The following CNOT2 variants were observed in gnomAD, a reference collection of about 807,000 sequenced individuals.
CNOT2 encodes the protein CC chemokine receptor 4-negative regulator of transcription 2.
In CNOT2, 7 loss-of-function variants were observed where a neutral mutation model predicts 72.1. The observed-to-expected ratio is 0.10, with a 90% CI of 0.06 to 0.18. The LOEUF (loss-of-function observed/expected upper bound fraction) is 0.18, where lower values mean the gene tolerates loss of function less well. Ranked by LOEUF, CNOT2 falls within the 10% of genes least tolerant of loss-of-function variation. The pLI, the probability that CNOT2 is intolerant of heterozygous loss-of-function variation, is 1.00. For missense variants in CNOT2, 345 were observed against 660.3 expected, an observed-to-expected ratio of 0.52 and a Z score of 5.23; for synonymous variants, 196 against 225.6, an observed-to-expected ratio of 0.87 and a Z score of 1.17.
At position 70,315,793 on chromosome 12, in the gene CNOT2, AATCTTTTTCT is replaced by A. The variant is rs1877230250; in HGVS notation, c.172-3503_172-3494del. Among the ~76,000 whole-genome samples, 3 of 152,262 alleles carry A rather than the reference AATCTTTTTCT, an allele frequency of 2.0e-5. No homozygotes were observed. The South Asian group carries it at 6.2e-4, about 32-fold the overall frequency. ...AACTTGTTGTTTTCAGCATTCTATTAATCTTTTTCTACCGTTTGCCACTCTTAAGAGCACA... is the reference window on the plus strand; with the variant it reads ...AACTTGTTGTTTTCAGCATTCTATTAACCGTTTGCCACTCTTAAGAGCACA... On this transcript the variant is annotated intron_variant, in intron 3 of 15. Transcript: ENST00000229195.
intron 1 of CNOT2, among the ~76,000 whole-genome samples, chr12:70,248,665 G>A (rs1021810094): frequency 6.6e-6 from 1 of 152,080 alleles, no homozygotes; most frequent in Non-Finnish European, 1.5e-5. Flanking sequence ...AAACAGGATA[G>A]ATGACTCTCA....
intron 1 of CNOT2, chr12:70,244,301 G>A (rs1247662165): frequency 6.6e-6 from 1 of 152,104 alleles, no homozygotes; most frequent in Non-Finnish European, 1.5e-5. Flanking sequence ...CTTCCGCAGG[G>A]GCCTCTCCAC....
rs1321715187 is a variant in CNOT2 at position 70,331,118 on chromosome 12, A to C, written c.569+649A>C. The C allele has an allele frequency of 2.0e-5, 3 of 151,692 alleles. No homozygotes were observed. The East Asian group carries it at 5.8e-4, about 29-fold the overall frequency. 9.4% of individuals were successfully genotyped at this position (151,692 alleles called of 1,614,324 possible). ...TCTGAAATATAACACTTTCTTGCAA[A>C]AGTAGTATTTAAGCTTGATTGCCTA... On this transcript the variant is annotated intron_variant, in intron 6 of 15. Coordinates refer to ENST00000229195, the MANE Select transcript of CNOT2 (RefSeq NM_014515.7).
At chr12:70,265,321 T>TTCTCTTCTCTTCTCTTCTCA (rs796521434) in intron 1 of CNOT2, among the ~76,000 whole-genome samples, 1 of 146,688 alleles carries the variant, frequency 6.8e-6, no homozygotes, top group African/African-American at 2.5e-5. Context: ...TTCTCTTCTC[T>TTCTCTTCTCTTCTCTTCTCA]TCTCTTTCTT....
At chr12:70,347,342 A>C (rs1314460672) in intron 15 of CNOT2, among the ~76,000 whole-genome samples, 11 of 152,072 alleles carry the variant, frequency 7.2e-5, no homozygotes, top group Admixed American at 7.2e-4. Flanking sequence ...TTTCATATAA[A>C]ACTCAAAAAG....
At chr12:70,266,647 A>G (rs1252344910) in intron 1 of CNOT2, among the ~76,000 whole-genome samples, 1 of 152,072 alleles carries the variant, frequency 6.6e-6, no homozygotes, top group Non-Finnish European at 1.5e-5. Context: ...CATTTAAGGG[A>G]TATTATGTCT....
intron 1 of CNOT2, among the ~76,000 whole-genome samples, chr12:70,272,533 C>T (rs548136707): frequency 6.6e-6 from 1 of 152,282 alleles, no homozygotes; most frequent in African/African-American, 2.4e-5. Context: ...TTTTCTTACT[C>T]TTTGTTTTCT....
intron 2 of CNOT2, 114 bp from the exon 3 acceptor site, chr12:70,310,781 C>A: frequency 1.3e-6 from 1 of 790,238 alleles, no homozygotes; most frequent in Non-Finnish European, 2.0e-6. Flanking sequence ...ATTAGTTGAT[C>A]AATTTCTGTA....
intron 2 of CNOT2, among the ~76,000 whole-genome samples, chr12:70,279,009 A>C (rs1869360161): frequency 1.3e-5 from 2 of 152,218 alleles, no homozygotes; most frequent in South Asian, 4.1e-4. Flanking sequence ...ATCTGTTATC[A>C]CATTTATTTA....
chr12:70,305,440 G>A (rs1194680694), intron 2 of CNOT2, among the ~76,000 whole-genome samples: 1 of 152,096 alleles, frequency 6.6e-6, no homozygotes, highest in Non-Finnish European at 1.5e-5. Context: ...GTGATATTTG[G>A]GTTCAGACAC....
At chr12:70,328,832 T>TAGCTTTTTTATA (rs1202246155) in intron 4 of CNOT2, among the ~76,000 whole-genome samples, 1 of 151,902 alleles carries the variant, frequency 6.6e-6, no homozygotes, top group African/African-American at 2.4e-5. Context: ...TTTAAAATTT[T>TAGCTTTTTTATA]GTCTTTTATA....
intron 2 of CNOT2, among the ~76,000 whole-genome samples, chr12:70,292,687 G>T (rs1872129342): frequency 1.3e-5 from 2 of 152,304 alleles, no homozygotes; most frequent in East Asian, 1.9e-4. Context: ...TGGTAATGGT[G>T]CAGGAGTCCA....
At chr12:70,261,522 TA>T (rs1490830869) in intron 1 of CNOT2, among the ~76,000 whole-genome samples, 1 of 151,854 alleles carries the variant, frequency 6.6e-6, no homozygotes, top group Admixed American at 6.6e-5. Flanking sequence ...TTCACCATGT[TA>T]GCCAGGATGG....
chr12:70,308,144 G>T (rs1875767407), intron 2 of CNOT2, among the ~76,000 whole-genome samples: 1 of 152,040 alleles, frequency 6.6e-6, no homozygotes, highest in Non-Finnish European at 1.5e-5. Flanking sequence ...TCAAGCATTT[G>T]CCTGGTCAGT....
At chr12:70,322,855 A>G (rs1039310960) in intron 4 of CNOT2, 2 of 151,838 alleles carry the variant, frequency 1.3e-5, no homozygotes, top group African/African-American at 2.4e-5. Flanking sequence ...TTGTAGGACC[A>G]TTGAACAGAT....
chr12:70,263,893 C>T (rs889309613), intron 1 of CNOT2, among the ~76,000 whole-genome samples: 2 of 152,074 alleles, frequency 1.3e-5, no homozygotes, highest in African/African-American at 2.4e-5. Flanking sequence ...TATTTCTTGC[C>T]GTGTGAAGTG....
intron 1 of CNOT2, among the ~76,000 whole-genome samples, chr12:70,273,313 CT>C (rs142622620): frequency 6.7e-5 from 10 of 148,986 alleles, no homozygotes; most frequent in South Asian, 2.1e-4. Context: ...TAATTCTCAT[CT>C]TTTTTTTTTA....
At chr12:70,303,259 A>G (rs923509482) in intron 2 of CNOT2, among the ~76,000 whole-genome samples, 2 of 152,272 alleles carry the variant, frequency 1.3e-5, no homozygotes, top group Non-Finnish European at 2.9e-5. Context: ...TCCTGTCATT[A>G]TGATGTTAGC....
chr12:70,313,034 G>A (rs1876735780), intron 3 of CNOT2, among the ~76,000 whole-genome samples: 1 of 151,874 alleles, frequency 6.6e-6, no homozygotes, highest in Non-Finnish European at 1.5e-5. Context: ...AGTTTTTACT[G>A]TAATCACCAC....
Sources: allele counts gnomAD v4.1 joint callset (sites outside exome capture counted in the v4.1 genomes callset), GRCh38; gene constraint gnomAD v4.1.1; transcripts MANE v1.5; gene names NCBI Gene and HGNC (gene_info 2026-07-23, HGNC 2026-07-21).